The following PTPRK variants were observed in gnomAD, a reference collection of about 807,000 sequenced individuals.
The protein encoded by PTPRK is receptor-type tyrosine-protein phosphatase kappa.
In PTPRK, 75 loss-of-function variants were observed where a neutral mutation model predicts 178.0. The ratio of observed to expected loss-of-function variants is 0.42; its 90% CI spans 0.35 to 0.51. The LOEUF is 0.51. Ranked by LOEUF, PTPRK falls within the 20% of genes least tolerant of loss-of-function variation. The probability of loss-of-function intolerance (pLI) is 0.02; values close to 1 mark genes in which losing one functional copy is unlikely to be tolerated. For missense variants in PTPRK, 1,441 were observed against 1,797.8 expected (o/e 0.80, Z 3.59); for synonymous variants, 637 against 620.6 (o/e 1.03, Z -0.39).
chr6:128,007,115 T>C (rs1778523774), intron 14 of PTPRK, among the ~76,000 whole-genome samples: 1 of 150,836 alleles, frequency 6.6e-6, no homozygotes, highest in African/African-American at 2.4e-5. Context: ...TTGATGATAA[T>C]ATCCAATGCA....
At chr6:127,997,066 A>C in intron 16 of PTPRK, 78 bp from the exon 17 acceptor site, 1 of 1,459,810 alleles carries the variant, frequency 6.9e-7, no homozygotes, top group Non-Finnish European at 9.4e-7. Flanking sequence ...GAAGCCCCAA[A>C]TAGTAAAAAC....
At chr6:128,329,978 G>A (rs1041396208) in intron 2 of PTPRK, among the ~76,000 whole-genome samples, 1 of 152,134 alleles carries the variant, frequency 6.6e-6, no homozygotes, top group Non-Finnish European at 1.5e-5. Context: ...CATAAGAAAA[G>A]TATTTTTATG....
In PTPRK at chr6:128,472,293, G is replaced by A. The variant is rs931106124; in HGVS notation, c.100+47966C>T. Among the ~76,000 whole-genome samples the A allele has an allele frequency of 2.0e-5, 3 of 152,044 alleles. No individual in the cohort carries two copies. The South Asian group carries it at 6.2e-4, about 32-fold the overall frequency. ...TTGCTTCTGTTTATTCACATGGTTC[G>A]TTATGTCACAGGTGGTGCACCCGAG... On this transcript the variant is annotated intron_variant, in intron 1 of 29. Transcript: ENST00000368226.
chr6:128,480,546 T>G (rs1342955133), intron 1 of PTPRK, among the ~76,000 whole-genome samples: 2 of 152,182 alleles, frequency 1.3e-5, no homozygotes, highest in Non-Finnish European at 2.9e-5. Context: ...TCCTCACATA[T>G]GAATTAGTTA....
At chr6:128,323,872 C>T (rs758148181) in intron 2 of PTPRK, among the ~76,000 whole-genome samples, 18 of 151,736 alleles carry the variant, frequency 1.2e-4, no homozygotes, top group African/African-American at 2.9e-4. Context: ...GTCTCACAGA[C>T]GGCACATTAA....
intron 3 of PTPRK, among the ~76,000 whole-genome samples, chr6:128,259,368 A>G (rs1215311421): frequency 6.6e-6 from 1 of 152,196 alleles, no homozygotes; most frequent in Non-Finnish European, 1.5e-5. Context: ...TTAAAAATAG[A>G]ATATGAAGAG....
At chr6:128,191,917 C>T (rs927769646) in intron 6 of PTPRK, among the ~76,000 whole-genome samples, 2 of 152,154 alleles carry the variant, frequency 1.3e-5, no homozygotes, top group African/African-American at 2.4e-5. Context: ...AGCTCTGTGG[C>T]TGTGGCAGTG....
intron 2 of PTPRK, among the ~76,000 whole-genome samples, chr6:128,337,809 G>C (rs746957184): frequency 2.6e-5 from 4 of 152,156 alleles, no homozygotes; most frequent in Non-Finnish European, 5.9e-5. Context: ...TCATCAGGAA[G>C]GTGAGAAAGT....
At chr6:128,063,037 T>G (rs1781130353) in intron 13 of PTPRK, among the ~76,000 whole-genome samples, 1 of 152,082 alleles carries the variant, frequency 6.6e-6, no homozygotes, top group Non-Finnish European at 1.5e-5. Context: ...ATTATTTAAT[T>G]TTTGGAATGA....
chr6:128,249,714 G>A (rs775887950), intron 3 of PTPRK, among the ~76,000 whole-genome samples: 4 of 152,078 alleles, frequency 2.6e-5, no homozygotes, highest in East Asian at 1.9e-4. Flanking sequence ...TCAGGAAGAC[G>A]ATGAGCCTTG....
At chr6:128,467,491 C>A (rs887925180) in intron 1 of PTPRK, among the ~76,000 whole-genome samples, 48 of 152,226 alleles carry the variant, frequency 3.2e-4, no homozygotes, top group African/African-American at 1.1e-3. Context: ...ACTTACAGAT[C>A]TGTGTCATTG....
chr6:128,042,035 C>T (rs1156951433), intron 13 of PTPRK, among the ~76,000 whole-genome samples: 1 of 151,900 alleles, frequency 6.6e-6, no homozygotes, highest in Non-Finnish European at 1.5e-5. Context: ...ATTTCTGCCA[C>T]CTAAGAAGAA....
intron 3 of PTPRK, chr6:128,321,388 G>A (rs1054613917): frequency 3.3e-5 from 6 of 179,134 alleles, no homozygotes; most frequent in African/African-American, 1.4e-4. Context: ...CTCAGTCACA[G>A]AATCATAAAG....
chr6:128,064,945 GC>G, intron 12 of PTPRK, 151 bp from the exon 13 acceptor site: 2 of 923,572 alleles, frequency 2.2e-6, no homozygotes, highest in Non-Finnish European at 2.9e-6. Context: ...TAAAAAATAT[GC>G]CCCCCTAGGG....
intron 7 of PTPRK, among the ~76,000 whole-genome samples, chr6:128,175,826 C>T (rs983742023): frequency 2.0e-5 from 3 of 151,794 alleles, no homozygotes; most frequent in East Asian, 3.9e-4. Context: ...ATGGGACTTC[C>T]AGCAAGGGCC....
At chr6:128,029,815 T>C (rs543259747) in intron 13 of PTPRK, among the ~76,000 whole-genome samples, 137 of 152,106 alleles carry the variant, frequency 9.0e-4, no homozygotes, top group Admixed American at 4.1e-3. Context: ...GTGCTGGAGA[T>C]TGAGGATGAA....
intron 3 of PTPRK, among the ~76,000 whole-genome samples, chr6:128,265,353 T>C (rs1818788749): frequency 6.6e-6 from 1 of 152,098 alleles, no homozygotes; most frequent in African/African-American, 2.4e-5. Flanking sequence ...TTAAAGAAAA[T>C]TTACTATAAA....
At chr6:128,106,509 A>G (rs1194859063) in intron 7 of PTPRK, among the ~76,000 whole-genome samples, 3 of 152,090 alleles carry the variant, frequency 2.0e-5, no homozygotes, top group African/African-American at 7.2e-5. Context: ...AAGCGCTAGG[A>G]AAAACAACTA....
intron 2 of PTPRK, among the ~76,000 whole-genome samples, chr6:128,342,330 T>C (rs769562337): frequency 2.0e-4 from 31 of 152,116 alleles, no homozygotes; most frequent in Non-Finnish European, 4.1e-4. Flanking sequence ...TTTTAAGTTA[T>C]AGAAATTAAA....
Sources: allele counts gnomAD v4.1 joint callset (sites outside exome capture counted in the v4.1 genomes callset), GRCh38; gene constraint gnomAD v4.1.1; transcripts MANE v1.5; gene names NCBI Gene and HGNC (gene_info 2026-07-23, HGNC 2026-07-21).